MALRD1: variants seen among roughly 807,000 people sequenced by gnomAD.
MALRD1 encodes the protein MAM and LDL receptor class A domain containing 1.
MALRD1 carries 247 observed loss-of-function variants against 242.1 expected under a neutral mutation model. The observed-to-expected ratio is 1.02, with a 90% CI of 0.92 to 1.13. The LOEUF (loss-of-function observed/expected upper bound fraction) is 1.13, where lower values mean the gene tolerates loss of function less well. MALRD1 is among the 50% of genes most tolerant of loss of function. MALRD1 has a pLI of 0.00. For missense variants in MALRD1, 2,989 were observed against 2,533.1 expected, an observed-to-expected ratio of 1.18 and a Z score of -3.86; for synonymous variants, 995 against 866.6, an observed-to-expected ratio of 1.15 and a Z score of -2.60.
At position 19,443,331 on chromosome 10, in the gene MALRD1, T is replaced by C. The variant is rs113539946; in HGVS notation, c.4846-6976T>C. Among the ~76,000 whole-genome samples the C allele has an allele frequency of 4.1e-3, 631 of 152,356 alleles. 6 individuals carry two copies. Among genetic ancestry groups the C allele is most frequent in the African/African-American group, 0.014 (563 of 41,588 alleles). On this transcript the variant is annotated intron_variant, in intron 28 of 39. Coordinates refer to ENST00000454679, the MANE Select transcript of MALRD1 (RefSeq NM_001142308.3). Reference sequence around the variant, plus strand: ...GTGTTTCTATCTCCTTCAGTTCTGCTCTGATCATAGTTATTTCTTGCCTTC... The same window carrying C: ...GTGTTTCTATCTCCTTCAGTTCTGCCCTGATCATAGTTATTTCTTGCCTTC...
At chr10:19,249,793 G>A (rs1839223720) in intron 18 of MALRD1, among the ~76,000 whole-genome samples, 1 of 151,998 alleles carries the variant, frequency 6.6e-6, no homozygotes, top group Non-Finnish European at 1.5e-5. Flanking sequence ...AATAACTAAT[G>A]GGTGGGTATG....
chr10:19,127,999 A>T (rs942711382), intron 7 of MALRD1, among the ~76,000 whole-genome samples: 1 of 152,304 alleles, frequency 6.6e-6, no homozygotes, highest in East Asian at 1.9e-4. Context: ...TCAAATTTTG[A>T]TTATAGAAAT....
At chr10:19,243,074 T>TTG (rs111981733) in intron 18 of MALRD1, among the ~76,000 whole-genome samples, 28,448 of 147,000 alleles carry the variant, frequency 0.19, 2,787 homozygotes, top group Admixed American at 0.32. Context: ...TTTTTTTTTT[T>TTG]TGTGTGTGTA....
chr10:19,251,234 T>C (rs1173703497), intron 18 of MALRD1, among the ~76,000 whole-genome samples: 1 of 152,078 alleles, frequency 6.6e-6, no homozygotes, highest in African/African-American at 2.4e-5. Flanking sequence ...AGTGCCCTGT[T>C]TGGAGATAAT....
chr10:19,403,995 A>G (rs1306051238), intron 28 of MALRD1, among the ~76,000 whole-genome samples: 1 of 152,150 alleles, frequency 6.6e-6, no homozygotes, highest in East Asian at 1.9e-4. Context: ...GGCATTAAAC[A>G]CGTTAAGCTT....
chr10:19,163,716 C>A (rs1834547072), intron 12 of MALRD1, among the ~76,000 whole-genome samples: 1 of 152,130 alleles, frequency 6.6e-6, no homozygotes, highest in African/African-American at 2.4e-5. Context: ...AACTTTTGTT[C>A]AGTGATTTCA....
chr10:19,734,351 C>G lies in MALRD1; in HGVS notation c.*114C>G, dbSNP rs530638747. Reference sequence around the variant, plus strand: ...GTAAAAAGAGAAAGGATTGTAAATGCCAGTGTAATTATAACATTTATGAAT... The same window carrying G: ...GTAAAAAGAGAAAGGATTGTAAATGGCAGTGTAATTATAACATTTATGAAT... On this transcript the variant is annotated 3_prime_UTR_variant, in exon 40 of 40. Coordinates refer to ENST00000454679, the MANE Select transcript of MALRD1 (RefSeq NM_001142308.3). 3 of 830,790 alleles carry G rather than the reference C, an allele frequency of 3.6e-6. No homozygotes were observed. The East Asian group carries it at 8.3e-5, about 23-fold the overall frequency. The allele number at this position is 830,790 out of a possible 1,614,324, so 51.5% of individuals were successfully genotyped here. A position where few individuals can be genotyped will look rare whatever the true frequency, so the allele number is the denominator to read the frequency against.
intron 18 of MALRD1, among the ~76,000 whole-genome samples, chr10:19,237,686 A>G (rs181230131): frequency 8.4e-6 from 1 of 119,294 alleles, no homozygotes; most frequent in African/African-American, 3.2e-5. Flanking sequence ...TATATAATTT[A>G]TATATAAATA....
At chr10:19,197,875 C>T (rs1054258997) in intron 14 of MALRD1, among the ~76,000 whole-genome samples, 4 of 152,118 alleles carry the variant, frequency 2.6e-5, no homozygotes, top group Non-Finnish European at 4.4e-5. Flanking sequence ...TTTCTTTTCC[C>T]TGCTGTGCTC....
intron 19 of MALRD1, among the ~76,000 whole-genome samples, chr10:19,259,136 C>G (rs1414662295): frequency 1.3e-5 from 2 of 152,146 alleles, no homozygotes; most frequent in African/African-American, 4.8e-5. Context: ...TTAGGTCATT[C>G]TATTGTCAGA....
intron 29 of MALRD1, among the ~76,000 whole-genome samples, chr10:19,489,821 T>G (rs1044378847): frequency 6.6e-6 from 1 of 152,192 alleles, no homozygotes; most frequent in African/African-American, 2.4e-5. Flanking sequence ...TAGAATTGTT[T>G]CCTAAAGAAA....
chr10:19,596,979 A>G (rs1310444340), intron 34 of MALRD1, among the ~76,000 whole-genome samples: 3 of 152,080 alleles, frequency 2.0e-5, no homozygotes, highest in Non-Finnish European at 4.4e-5. Flanking sequence ...GAACAATTGG[A>G]AGAAGAGTAA....
intron 36 of MALRD1, among the ~76,000 whole-genome samples, chr10:19,649,009 C>T (rs1201721564): frequency 2.0e-5 from 3 of 152,256 alleles, no homozygotes; most frequent in East Asian, 1.9e-4. Context: ...CCTGTTCCTG[C>T]GTTAGTTTGC....
intron 24 of MALRD1, among the ~76,000 whole-genome samples, chr10:19,339,934 G>A (rs1588936143): frequency 1.3e-5 from 2 of 152,184 alleles, no homozygotes; most frequent in East Asian, 1.9e-4. Context: ...GAGGAAGCAA[G>A]GAATGTCTTC....
chr10:19,067,334 A>C (rs1434721300), intron 2 of MALRD1, among the ~76,000 whole-genome samples: 1 of 152,132 alleles, frequency 6.6e-6, no homozygotes, highest in Non-Finnish European at 1.5e-5. Flanking sequence ...CTGGAGCCAG[A>C]AATTTCTTCA....
At chr10:19,524,857 T>A (rs1426234094) in intron 31 of MALRD1, among the ~76,000 whole-genome samples, 1 of 152,070 alleles carries the variant, frequency 6.6e-6, no homozygotes, top group Non-Finnish European at 1.5e-5. Flanking sequence ...GCACTGAAGC[T>A]GTCAAAGCAT....
intron 21 of MALRD1, among the ~76,000 whole-genome samples, chr10:19,309,738 G>A (rs1176576490): frequency 6.7e-6 from 1 of 150,012 alleles, no homozygotes; most frequent in Non-Finnish European, 1.5e-5. Context: ...ACTGTACAGT[G>A]GTGTTAAGTA....
intron 26 of MALRD1, among the ~76,000 whole-genome samples, chr10:19,371,092 T>TAAAAAA (rs759092754): frequency 4.0e-5 from 5 of 123,768 alleles, no homozygotes; most frequent in Non-Finnish European, 3.3e-5. Flanking sequence ...TCTACGAAAT[T>TAAAAAA]AAAAAAAAAA....
intron 38 of MALRD1, among the ~76,000 whole-genome samples, chr10:19,709,545 T>C (rs1834014634): frequency 6.6e-6 from 1 of 152,154 alleles, no homozygotes; most frequent in South Asian, 2.1e-4. Flanking sequence ...TGGGAAATAA[T>C]AAATTATTTT....
Sources: allele counts gnomAD v4.1 joint callset (sites outside exome capture counted in the v4.1 genomes callset), GRCh38; gene constraint gnomAD v4.1.1; transcripts MANE v1.5; gene names NCBI Gene and HGNC (gene_info 2026-07-23, HGNC 2026-07-21).